Variants in TCF3 observed in about 807,000 individuals in gnomAD.
The protein encoded by TCF3 is transcription factor 3, also known as transcription factor E2-alpha.
Under a neutral mutation model 72.3 loss-of-function variants are expected in TCF3, and 54 were observed. That is an observed-to-expected ratio of 0.75 (90% CI 0.60 to 0.94). The LOEUF is 0.94. Among genes scored for constraint, TCF3 ranks in the 40% least tolerant of loss-of-function variants. TCF3 has a pLI of 0.00. For missense variants in TCF3, 1,078 were observed against 934.4 expected, an observed-to-expected ratio of 1.15 and a Z score of -2.00; for synonymous variants, 525 against 412.6, an observed-to-expected ratio of 1.27 and a Z score of -3.30.
intron 3 of TCF3, among the ~76,000 whole-genome samples, chr19:1,641,055 C>A (rs984337852): frequency 2.9e-4 from 44 of 149,892 alleles, no homozygotes; most frequent in African/African-American, 1.0e-3. Flanking sequence ...GAGGCTGAAG[C>A]AGGAGAATCG....
chr19:1,611,859 G>T lies in TCF3; in HGVS notation c.1823-10C>A, dbSNP rs201548280. Reference sequence around the variant, plus strand: ...GGATTCAGGTTCCGCTCTGGAGGGAGGGGGGAGAGCTCTGTGGGAGACGGT... The same window carrying T: ...GGATTCAGGTTCCGCTCTGGAGGGATGGGGGAGAGCTCTGTGGGAGACGGT... On this transcript the variant is annotated splice_polypyrimidine_tract_variant and intron_variant, in intron 18 of 18. Transcript: ENST00000262965. The T allele has an allele frequency of 1.9e-6, 3 of 1,605,124 alleles. No individual in the cohort carries two copies. Among genetic ancestry groups the T allele is most frequent in the Non-Finnish European group, 1.7e-6 (2 of 1,175,916 alleles).
chr19:1,642,119 T>C (rs576296090), intron 3 of TCF3, among the ~76,000 whole-genome samples: 125 of 141,830 alleles, frequency 8.8e-4, no homozygotes, highest in African/African-American at 2.7e-3. Flanking sequence ...GTCTCAAAAC[T>C]GCACAGAACT....
chr19:1,614,531 C>CGGCTGCAGA lies in TCF3; in HGVS notation c.1822+745_1822+753dup, dbSNP rs1233649138. On this transcript the variant is annotated intron_variant, in intron 18 of 18. Coordinates refer to ENST00000262965, the MANE Select transcript of TCF3 (RefSeq NM_003200.5). The surrounding 1 kb of genome is among the most constrained non-coding windows in gnomAD (Gnocchi z 5.6). Reference sequence around the variant, plus strand: ...TGGGGGGCGCGAGGCGTGCCACACACGGCTGCAGAGACTCGGAAACCTTAG... The same window carrying CGGCTGCAGA: ...TGGGGGGCGCGAGGCGTGCCACACACGGCTGCAGAGGCTGCAGAGACTCGGAAACCTTAG... Among the ~76,000 whole-genome samples, 10 of 152,144 alleles carry CGGCTGCAGA rather than the reference C, an allele frequency of 6.6e-5. No homozygotes were observed. Among genetic ancestry groups the CGGCTGCAGA allele is most frequent in the African/African-American group, 2.2e-4 (9 of 41,424 alleles).
chr19:1,646,246 C>T (rs761431062), intron 3 of TCF3, 109 bp downstream of exon 3: 1,067 of 1,209,872 alleles, frequency 8.8e-4, no homozygotes, highest in Non-Finnish European at 1.1e-3. Flanking sequence ...TGGCCCTTTC[C>T]CCATTGTCTC....
intron 3 of TCF3, among the ~76,000 whole-genome samples, chr19:1,636,123 G>A (rs945871946): frequency 2.6e-5 from 4 of 152,148 alleles, no homozygotes; most frequent in South Asian, 2.1e-4. Flanking sequence ...GTTTGAATCC[G>A]GGGGTGGCCT....
chr19:1,623,747 A>G (rs2062543311), intron 8 of TCF3, among the ~76,000 whole-genome samples: 1 of 152,140 alleles, frequency 6.6e-6, no homozygotes, highest in South Asian at 2.1e-4. Context: ...AACAAGACAG[A>G]CAGAGGCTGG....
chr19:1,632,186 C>G, intron 4 of TCF3, 70 bp from the exon 5 acceptor site: 1 of 1,570,208 alleles, frequency 6.4e-7, no homozygotes, highest in Non-Finnish European at 8.6e-7. Flanking sequence ...CGCATTACAG[C>G]TGGAGAGGCA....
chr19:1,629,688 T>G (rs1310358550), intron 5 of TCF3, among the ~76,000 whole-genome samples: 1 of 152,036 alleles, frequency 6.6e-6, no homozygotes, highest in African/African-American at 2.4e-5. Flanking sequence ...GCCACTTAAA[T>G]CCCCTTCTGG....
Position 1,619,152 on chromosome 19 carries a change from C to T in TCF3, c.1409G>A (p.Gly470Asp), listed in dbSNP as rs1469002739. The change falls in exon 16 of 19, where the codon GGC becomes GAC. Residue 470 changes from glycine to aspartate, a missense_variant. Gly to Asp is a moderately conservative substitution (Grantham distance 94, BLOSUM62 -1). Transcript: ENST00000262965. ...AGGCCGAGACAGGTCAGGGAGGGTGCCTGGCTGGCTGGGGAGGGCCGCGTG... is the reference window on the plus strand; with the variant it reads ...AGGCCGAGACAGGTCAGGGAGGGTGTCTGGCTGGCTGGGGAGGGCCGCGTG... ...HNHAALPSQPGTLPDLSRPPD... is the reference protein window; with the variant it reads ...HNHAALPSQPDTLPDLSRPPD... 3.1e-6 allele frequency: 5 copies of T among 1,600,102 alleles called. No individual in the cohort carries two copies. Among genetic ancestry groups the T allele is most frequent in the Non-Finnish European group, 3.4e-6 (4 of 1,179,762 alleles).
rs748818984 is a variant in TCF3, at chr19:1,622,362, C to T, written c.603G>A (p.Pro201=). The part of the protein sequence containing the change: ...EDYGRDATAY[P]SAKTPSSTYP... ...AGGTGCTGCTGGGGGTCTTGGCGGA[C>T]GGGTAGGCGGTGGCATCCCTGCCGT... The change falls in exon 9 of 19, where the codon CCG becomes CCA. Residue 201 remains proline (P), a synonymous_variant. Transcript: ENST00000262965. The T allele has an allele frequency of 2.4e-5, 30 of 1,268,932 alleles. No homozygotes were observed. The highest frequency in any genetic ancestry group is 7.5e-5 in the Admixed American group (3 of 39,770). 78.6% of individuals were successfully genotyped at this position (1,268,932 alleles called of 1,614,324 possible).
chr19:1,636,306 C>T (rs1387504456), intron 3 of TCF3, among the ~76,000 whole-genome samples: 1 of 152,072 alleles, frequency 6.6e-6, no homozygotes, highest in East Asian at 1.9e-4. Context: ...ACTACAGGAG[C>T]CTGCCACCAC....
Position 1,610,421 on chromosome 19 carries a change from T to A in TCF3, c.*1286A>T, listed in dbSNP as rs1028268619. ...GCCCTCTGGTGTAATGGGGACATGG[T>A]GGGGTGGGGTGGGGGGTGTCCTGTG... On this transcript the variant is annotated 3_prime_UTR_variant, in exon 19 of 19. Transcript: ENST00000262965. 1 of 227,082 alleles carries A rather than the reference T, an allele frequency of 4.4e-6. No homozygotes were observed. The highest frequency in any genetic ancestry group is 2.2e-5 in the African/African-American group (1 of 44,658). 14.1% of individuals were successfully genotyped at this position (227,082 alleles called of 1,614,324 possible). A position where few individuals can be genotyped will look rare whatever the true frequency, so the allele number is the denominator to read the frequency against.
intron 1 of TCF3, 110 bp downstream of exon 1, chr19:1,652,190 C>G (rs1466180002): frequency 7.7e-6 from 1 of 130,518 alleles, no homozygotes; most frequent in African/African-American, 2.8e-5. Flanking sequence ...CGCCCCCGCC[C>G]CAACTTCCTC....
chr19:1,644,585 C>A (rs1046879874), intron 3 of TCF3, among the ~76,000 whole-genome samples: 14 of 152,224 alleles, frequency 9.2e-5, no homozygotes, highest in Admixed American at 5.2e-4. Flanking sequence ...GAGCACAGGG[C>A]GAGACTCTGT....
chr19:1,651,869 G>A (rs943397048), intron 1 of TCF3, among the ~76,000 whole-genome samples: 10 of 150,542 alleles, frequency 6.6e-5, no homozygotes, highest in African/African-American at 1.5e-4. Context: ...CAGACAAAAG[G>A]ACGTCCCTCC....
In TCF3 at chr19:1,619,790, A is replaced by T; in HGVS notation, c.1157T>A (p.Leu386His). 6.4e-7 allele frequency: 1 copy of T among 1,556,624 alleles called. No individual in the cohort carries two copies. Among genetic ancestry groups the T allele is most frequent in the Non-Finnish European group, 8.7e-7 (1 of 1,151,112 alleles). ...GGGGCAGGCACTCACCAGGCCGTGG[A>T]GACCCCCGTCGTAGCTGGGCGATAA... ...GALSPSYDGG[L>H]HGLQSKIEDH... The change falls in exon 14 of 19, where the codon CTC (leucine) becomes CAC (histidine). Residue 386 changes from leucine (L) to histidine (H), a missense_variant. Physicochemically the swap from Leu to His is moderately conservative, Grantham distance 99. Transcript: ENST00000262965.
At chr19:1,651,416 T>A (rs1173644146) in intron 1 of TCF3, 1 of 225,890 alleles carries the variant, frequency 4.4e-6, no homozygotes, top group Non-Finnish European at 8.8e-6. Flanking sequence ...CCCCGCTCAG[T>A]TTTTTTCTTT....
chr19:1,622,281 C>G, intron 9 of TCF3, 32 bp downstream of exon 9: 4 of 1,503,120 alleles, frequency 2.7e-6, no homozygotes, highest in Non-Finnish European at 2.7e-6. Context: ...CCTGCCCTAC[C>G]GTCCCTGGCG....
At chr19:1,638,482 A>G (rs2064779446) in intron 3 of TCF3, among the ~76,000 whole-genome samples, 3 of 152,078 alleles carry the variant, frequency 2.0e-5, no homozygotes, top group Non-Finnish European at 4.4e-5. Flanking sequence ...ACGGCATTTC[A>G]CCGTGTTAAC....
Sources: gnomAD v4.1 joint callset for allele counts (sites outside exome capture counted in the v4.1 genomes callset) on GRCh38, gnomAD v4.1.1 for gene constraint, Gnocchi (gnomAD v3.1) non-coding constraint, MANE v1.5 for transcripts, NCBI Gene and HGNC (gene_info 2026-07-23, HGNC 2026-07-21) for gene names.